The following TTC39B variants were observed in gnomAD, a reference collection of about 807,000 sequenced individuals.
TTC39B encodes tetratricopeptide repeat protein 39B.
TTC39B carries 92 observed loss-of-function variants against 96.6 expected under a neutral mutation model. That is an observed-to-expected ratio of 0.95 (90% CI 0.80 to 1.13). TTC39B has a LOEUF of 1.13. TTC39B is among the 50% of genes most tolerant of loss of function. The pLI, the probability that TTC39B is intolerant of heterozygous loss-of-function variation, is 0.00. For synonymous variants in TTC39B, 367 were observed against 299.4 expected, an observed-to-expected ratio of 1.23 and a Z score of -2.33; for missense variants, 955 against 809.3, an observed-to-expected ratio of 1.18 and a Z score of -2.18.
chr9:15,208,314 C>A (rs146582845), intron 6 of TTC39B, among the ~76,000 whole-genome samples: 1 of 152,072 alleles, frequency 6.6e-6, no homozygotes, highest in East Asian at 1.9e-4. Flanking sequence ...TGAGCCACCA[C>A]ACCCGGCCAA....
intron 2 of TTC39B, among the ~76,000 whole-genome samples, chr9:15,236,385 C>T (rs1278067672): frequency 6.6e-6 from 1 of 152,196 alleles, no homozygotes; most frequent in Non-Finnish European, 1.5e-5. Context: ...GGGACTTCAA[C>T]ACCTCCACTG....
At chr9:15,302,970 C>G (rs148303984) in intron 1 of TTC39B, among the ~76,000 whole-genome samples, 2 of 152,152 alleles carry the variant, frequency 1.3e-5, no homozygotes, top group Non-Finnish European at 2.9e-5. Flanking sequence ...GAGATCGAGA[C>G]CATCCTGGCC....
exon 20 of TTC39B, chr9:15,166,999 TATATATATATATATATATATATATATATA>T (rs1564299698): frequency 4.8e-3 from 31 of 6,446 alleles, no homozygotes; most frequent in Admixed American, 0.011. Context: ...TATATATATA[TATATATATATATATATATATATATATATA>T]TTTTTTTTTT....
intron 18 of TTC39B, 88 bp downstream of exon 18, chr9:15,177,609 G>C: frequency 1.2e-6 from 1 of 832,184 alleles, no homozygotes; most frequent in South Asian, 1.6e-5. Context: ...TTAGCAGTAA[G>C]AGATAAAAGC....
chr9:15,294,745 G>C (rs1168126092), intron 1 of TTC39B, among the ~76,000 whole-genome samples: 4 of 152,170 alleles, frequency 2.6e-5, no homozygotes, highest in Non-Finnish European at 5.9e-5. Flanking sequence ...CATCACAGAG[G>C]AAGGTTTTTC....
chr9:15,284,690 GAAAGTCACAACC>G (rs1378692285), intron 1 of TTC39B, among the ~76,000 whole-genome samples: 1 of 152,100 alleles, frequency 6.6e-6, no homozygotes, highest in Admixed American at 6.6e-5. Context: ...TCTATGACTA[GAAAGTCACAACC>G]AAATTCTTAC....
chr9:15,246,756 C>T (rs1463000882), intron 2 of TTC39B, among the ~76,000 whole-genome samples: 2 of 152,246 alleles, frequency 1.3e-5, no homozygotes, highest in Admixed American at 1.3e-4. Flanking sequence ...ACAACCAATA[C>T]TAACTGGCCA....
chr9:15,185,448 A>G, intron 15 of TTC39B, 42 bp from the exon 16 acceptor site: 1 of 1,609,256 alleles, frequency 6.2e-7, no homozygotes, highest in Non-Finnish European at 8.5e-7. Flanking sequence ...AGGTCATGGC[A>G]ACACATACAT....
chr9:15,301,064 C>T (rs1182154015), intron 1 of TTC39B, among the ~76,000 whole-genome samples: 1 of 152,104 alleles, frequency 6.6e-6, no homozygotes, highest in African/African-American at 2.4e-5. Context: ...CTCTTATTCC[C>T]GCCCATCTCA....
chr9:15,187,096 C>G, intron 14 of TTC39B, 61 bp from the exon 15 acceptor site: 1 of 1,253,324 alleles, frequency 8.0e-7, no homozygotes, highest in Admixed American at 2.3e-5. Context: ...TTCTACCTTT[C>G]AAATCAGGAA....
intron 19 of TTC39B, among the ~76,000 whole-genome samples, chr9:15,174,584 T>C (rs1353777866): frequency 1.3e-5 from 2 of 152,174 alleles, no homozygotes; most frequent in South Asian, 4.1e-4. Flanking sequence ...ACAATGAAGG[T>C]TGGCAAACTA....
At chr9:15,168,543 C>A (rs1321203778) in exon 20 of TTC39B, 1 of 152,056 alleles carries the variant, frequency 6.6e-6, no homozygotes, top group African/African-American at 2.4e-5. Context: ...GGAAAACCCT[C>A]CTATTTATGA....
At chr9:15,280,422 T>C (rs1823716160) in intron 1 of TTC39B, among the ~76,000 whole-genome samples, 1 of 152,232 alleles carries the variant, frequency 6.6e-6, no homozygotes, top group African/African-American at 2.4e-5. Flanking sequence ...GCTTTGAGGA[T>C]AGAGTGAGAA....
chr9:15,285,935 A>G (rs1400789989), intron 1 of TTC39B, among the ~76,000 whole-genome samples: 1 of 152,134 alleles, frequency 6.6e-6, no homozygotes, highest in African/African-American at 2.4e-5. Context: ...CCATCTGCTT[A>G]TAATCTGCTT....
chr9:15,234,700 C>T (rs1254650360), intron 2 of TTC39B, among the ~76,000 whole-genome samples: 1 of 151,724 alleles, frequency 6.6e-6, no homozygotes, highest in Non-Finnish European at 1.5e-5. Flanking sequence ...AATTCTTCTG[C>T]CTTGGGATCC....
chr9:15,199,734 CAAAAAAAAAAAAAAAAAA>C (rs35361396), intron 8 of TTC39B, 109 bp downstream of exon 8: 12 of 70,684 alleles, frequency 1.7e-4, no homozygotes, highest in East Asian at 4.9e-4. Context: ...GACTCCGTCT[CAAAAAAAAAAAAAAAAAA>C]AAAAAAAAAA....
At chr9:15,190,832 T>C (rs1322265867) in intron 10 of TTC39B, among the ~76,000 whole-genome samples, 170 bp from the exon 11 acceptor site, 22 of 152,194 alleles carry the variant, frequency 1.4e-4, no homozygotes, top group Admixed American at 1.4e-3. Context: ...GTGAACATCA[T>C]ACTCAACAGG....
At chr9:15,211,770 G>A (rs867928765) in intron 4 of TTC39B, among the ~76,000 whole-genome samples, 8 of 152,188 alleles carry the variant, frequency 5.3e-5, no homozygotes, top group Non-Finnish European at 1.0e-4. Flanking sequence ...TTTTTTGACA[G>A]AGAGATTCTG....
intron 3 of TTC39B, among the ~76,000 whole-genome samples, chr9:15,214,514 C>A (rs1031370280): frequency 6.6e-6 from 1 of 152,170 alleles, no homozygotes; most frequent in East Asian, 1.9e-4. Flanking sequence ...AATTACAACT[C>A]TGTAAATCGT....
Sources: gnomAD v4.1 joint callset for allele counts (sites outside exome capture counted in the v4.1 genomes callset) on GRCh38, gnomAD v4.1.1 for gene constraint, MANE v1.5 for transcripts, NCBI Gene and HGNC (gene_info 2026-07-23, HGNC 2026-07-21) for gene names.